The following DOT1L variants were observed in gnomAD, a reference collection of about 807,000 sequenced individuals.
DOT1L encodes DOT1 like histone lysine methyltransferase, also known as histone-lysine N-methyltransferase, H3 lysine-79 specific.
Under a neutral mutation model 153.3 loss-of-function variants are expected in DOT1L, and 33 were observed. That is an observed-to-expected ratio of 0.22 (90% confidence interval 0.16 to 0.29). The LOEUF is 0.29. DOT1L is among the 10% of genes least tolerant of loss of function. The probability of loss-of-function intolerance (pLI) is 1.00; values close to 1 mark genes in which losing one functional copy is unlikely to be tolerated. For synonymous variants in DOT1L, 1,135 were observed against 965.1 expected, an observed-to-expected ratio of 1.18 and a Z score of -3.26; for missense variants, 1,847 against 2,119.9, an observed-to-expected ratio of 0.87 and a Z score of 2.53.
intron 1 of DOT1L, among the ~76,000 whole-genome samples, chr19:2,177,152 A>C (rs1358890135): frequency 6.6e-6 from 1 of 152,190 alleles, no homozygotes; most frequent in African/African-American, 2.4e-5. Flanking sequence ...GTGGAGCGGC[A>C]CTGTCCTGAC....
intron 3 of DOT1L, among the ~76,000 whole-genome samples, chr19:2,187,739 A>ATG (rs2022584279): frequency 6.6e-6 from 1 of 152,042 alleles, no homozygotes; most frequent in South Asian, 2.1e-4. Flanking sequence ...TCGCTAGCAC[A>ATG]GTGAAACCCC....
At chr19:2,224,874 G>A (rs2024266548) in intron 25 of DOT1L, among the ~76,000 whole-genome samples, 2 of 152,340 alleles carry the variant, frequency 1.3e-5, no homozygotes, top group South Asian at 4.1e-4. Context: ...GGATTGCTCA[G>A]CTTAGTGGTT....
At position 2,230,222 on chromosome 19, in the gene DOT1L, A is replaced by G. The variant is rs909337272; in HGVS notation, c.*430A>G. On this transcript the variant is annotated 3_prime_UTR_variant, in exon 28 of 28. Coordinates refer to ENST00000398665, the MANE Select transcript of DOT1L (RefSeq NM_032482.3). ...CGCTTGGTGCTGACTAGACGCTGAC[A>G]ACGCCGAACCCCGTTCTCGGAAACG... The G allele has an allele frequency of 1.7e-5, 7 of 412,924 alleles. No individual in the cohort carries two copies. The highest frequency in any genetic ancestry group is 1.8e-4 in the South Asian group (2 of 10,840). The allele number at this position is 412,924 out of a possible 1,614,324, so 25.6% of individuals were successfully genotyped here.
rs796821905 is a variant in DOT1L at position 2,175,000 on chromosome 19, ATATAT to A, written c.82-5711_82-5707del. Among the ~76,000 whole-genome samples the A allele has an allele frequency of 9.0e-3, 869 of 96,440 alleles. 14 individuals are homozygous for A. Among genetic ancestry groups the A allele is most frequent in the African/African-American group, 0.036 (806 of 22,222 alleles). The allele number at this position is 96,440 out of a possible 152,430, so 63.3% of individuals were successfully genotyped here. ...TGTGTGTGTGTGTGTGTGTGTATAT[ATATAT>A]TTTTTTTTTTTTAGATGGAGTCTTG... On this transcript the variant is annotated intron_variant, in intron 1 of 27. Transcript: ENST00000398665.
chr19:2,218,235 C>G (rs950412108), intron 22 of DOT1L, among the ~76,000 whole-genome samples: 2 of 152,260 alleles, frequency 1.3e-5, no homozygotes, highest in Admixed American at 1.3e-4. Context: ...GCCGTGGCCC[C>G]TGTCCTCACA....
intron 27 of DOT1L, chr19:2,227,344 G>A (rs1384606620): frequency 2.7e-6 from 2 of 742,868 alleles, no homozygotes. Flanking sequence ...GGTTGTAACC[G>A]CGTCCCTCTT....
chr19:2,189,830 A>G (rs1452812260), intron 4 of DOT1L, 35 bp downstream of exon 4: 1 of 1,609,072 alleles, frequency 6.2e-7, no homozygotes, highest in South Asian at 1.1e-5. Flanking sequence ...GGGGGTTAGT[A>G]GTGCCAGGCT....
intron 15 of DOT1L, 101 bp downstream of exon 15, chr19:2,211,313 C>T: frequency 9.7e-7 from 1 of 1,033,726 alleles, no homozygotes; most frequent in Non-Finnish European, 1.4e-6. Flanking sequence ...CCCGTGACCT[C>T]CATGCTGGAC....
intron 10 of DOT1L, 74 bp downstream of exon 10, chr19:2,206,871 C>T (rs749596107): frequency 1.9e-4 from 274 of 1,460,618 alleles, no homozygotes; most frequent in Middle Eastern, 1.8e-3. Context: ...TCCTAGGTCC[C>T]TCTTCCTTGA....
At chr19:2,202,033 C>G (rs2023308093) in intron 8 of DOT1L, among the ~76,000 whole-genome samples, 1 of 152,204 alleles carries the variant, frequency 6.6e-6, no homozygotes, top group South Asian at 2.1e-4. Context: ...CCCAGTTACC[C>G]AGGTCTTTCT....
intron 27 of DOT1L, chr19:2,227,844 G>T (rs2024419075): frequency 7.8e-7 from 1 of 1,288,296 alleles, no homozygotes; most frequent in Non-Finnish European, 1.0e-6. Context: ...CCCGCTGCAG[G>T]CGGCGGCCAG....
At chr19:2,194,209 C>T (rs996368677) in intron 6 of DOT1L, among the ~76,000 whole-genome samples, 4 of 152,074 alleles carry the variant, frequency 2.6e-5, no homozygotes, top group Non-Finnish European at 2.9e-5. Context: ...CTCGCTCAGT[C>T]GCCCAGGCTG....
Position 2,226,810 on chromosome 19 carries a change from C to T in DOT1L, c.4289C>T (p.Ala1430Val), listed in dbSNP as rs756329795. 4 of 1,578,458 alleles carry T rather than the reference C, an allele frequency of 2.5e-6. No homozygotes were observed. The highest frequency in any genetic ancestry group is 2.6e-6 in the Non-Finnish European group (3 of 1,170,116). Reference sequence around the variant, plus strand: ...AATGGCCACAACCTCTTCATCTCTGCGGCGGCCGTGCCTCCCGGAAGCCTC... The same window carrying T: ...AATGGCCACAACCTCTTCATCTCTGTGGCGGCCGTGCCTCCCGGAAGCCTC... ...LKNGHNLFIS[A>V]AAVPPGSLLS... The change falls in exon 27 of 28, where the codon GCG (alanine) becomes GTG (valine). Residue 1430 changes from alanine to valine, a missense_variant. Around this residue, in one of 8 missense-constraint regions of DOT1L, gnomAD observed 934 missense variants for 825.3 expected, o/e 1.13. Coordinates refer to ENST00000398665, the MANE Select transcript of DOT1L (RefSeq NM_032482.3).
chr19:2,204,837 C>CCCTGGAACCGCCCTTCCTGCTCCT lies in DOT1L; in HGVS notation c.788-1887_788-1864dup, dbSNP rs1341432363. ...GGCCTAACCTGTGTGCCCAGCCTGG[C>CCCTGGAACCGCCCTTCCTGCTCCT]CCTGGAACCGCCCTTCCTGCTCCTC... On this transcript the variant is annotated intron_variant, in intron 9 of 27. Coordinates refer to ENST00000398665, the MANE Select transcript of DOT1L (RefSeq NM_032482.3). The surrounding 1 kb of genome is among the most constrained non-coding windows in gnomAD (Gnocchi z 5.7). Among the ~76,000 whole-genome samples, 9 of 152,320 alleles carry CCCTGGAACCGCCCTTCCTGCTCCT rather than the reference C, an allele frequency of 5.9e-5. No individual in the cohort carries two copies. The South Asian group carries it at 1.2e-3, about 21-fold the overall frequency.
chr19:2,174,856 C>G (rs11879650), intron 1 of DOT1L, among the ~76,000 whole-genome samples: 67 of 151,888 alleles, frequency 4.4e-4, no homozygotes, highest in African/African-American at 1.3e-3. Flanking sequence ...AGGCTGATCT[C>G]AAACTCCTAG....
At chr19:2,228,709 T>C (rs2024474879) in intron 27 of DOT1L, 2 of 985,370 alleles carry the variant, frequency 2.0e-6, no homozygotes, top group Non-Finnish European at 2.4e-6. Context: ...CTGGGAGCTC[T>C]AGCTCCTAGA....
chr19:2,213,451 G>A, intron 16 of DOT1L, 88 bp from the exon 17 acceptor site: 1 of 1,352,770 alleles, frequency 7.4e-7, no homozygotes, highest in South Asian at 1.3e-5. Flanking sequence ...GTGTCTTCAG[G>A]AAGCATGAGA....
intron 19 of DOT1L, among the ~76,000 whole-genome samples, chr19:2,214,986 C>T (rs769192042): frequency 9.9e-5 from 15 of 152,232 alleles, no homozygotes; most frequent in African/African-American, 1.7e-4. Flanking sequence ...GAGGCTGAGG[C>T]GGGCAGATCA....
chr19:2,212,820 C>T (rs1055242879), intron 16 of DOT1L: 1 of 152,268 alleles, frequency 6.6e-6, no homozygotes, highest in African/African-American at 2.4e-5. Context: ...CACCTGAGGT[C>T]CCGGCTGTGG....
Sources: allele counts gnomAD v4.1 joint callset (sites outside exome capture counted in the v4.1 genomes callset), GRCh38; gene constraint gnomAD v4.1.1; regional missense constraint gnomAD v4.1.1; non-coding constraint Gnocchi (gnomAD v3.1); transcripts MANE v1.5; gene names NCBI Gene and HGNC (gene_info 2026-07-23, HGNC 2026-07-21).